The following IL9R variants were observed in gnomAD, a reference collection of about 807,000 sequenced individuals.
The protein encoded by IL9R is interleukin-9 receptor.
IL9R carries 54 observed loss-of-function variants against 56.3 expected under a neutral mutation model. That is an observed-to-expected ratio of 0.96 (90% CI 0.77 to 1.20). The LOEUF is 1.20. Among genes scored for constraint, IL9R ranks in the 50% most tolerant of loss-of-function variants. The pLI is 0.00. For synonymous variants in IL9R, 212 were observed against 250.2 expected, an observed-to-expected ratio of 0.85 and a Z score of 1.44; for missense variants, 545 against 629.8, an observed-to-expected ratio of 0.87 and a Z score of 1.44.
intron 5 of IL9R, 109 bp downstream of exon 5, chrX:156,004,674 A>G: frequency 8.9e-7 from 1 of 1,118,464 alleles, no homozygotes; most frequent in East Asian, 2.4e-5. Context: ...ATGAGAAGGG[A>G]GGAACTAGAG....
At chrX:156,006,601 G>A (rs2067978752) in intron 7 of IL9R, among the ~76,000 whole-genome samples, 1 of 149,974 alleles carries the variant, frequency 6.7e-6, no homozygotes, top group African/African-American at 2.5e-5. Context: ...GTGTGCTCAG[G>A]ACCCTGTTCT....
rs780628902 is a variant in IL9R, at chrX:156,003,795, T to C, written c.373T>C (p.Cys125Arg). ...SDNFTITFHH[C>R]MSGREQVSLV... ...CAATTTCACCATCACTTTCCACCAC[T>C]GCATGTCTGGGAGGGAGCAGGTCAG... Residue 125 changes from cysteine to arginine, a missense_variant, in exon 4 of 9, where the codon TGC becomes CGC. Physicochemically the swap from Cys to Arg is radical, Grantham distance 180. Coordinates refer to ENST00000244174, the MANE Select transcript of IL9R (RefSeq NM_002186.3). The C allele has an allele frequency of 6.2e-7, 1 of 1,613,984 alleles. No individual in the cohort carries two copies. The highest frequency in any genetic ancestry group is 8.5e-7 in the Non-Finnish European group (1 of 1,179,870).
chrX:156,005,308 G>T lies in IL9R; in HGVS notation c.610G>T (p.Val204Leu), dbSNP rs768675056. ...CCAGCACAGGGATCACATTGTCGGG[G>T]TGACCTGGCTTATACTTGAAGCCTT... ...QAQHRDHIVG[V>L]TWLILEAFEL... Residue 204 changes from valine to leucine, a missense_variant, in exon 6 of 9, where the codon GTG becomes TTG. Val to Leu is a conservative substitution (Grantham distance 32). This residue lies in a region of IL9R where 431 missense variants were observed against 360.0 expected (regional missense o/e 1.20). Coordinates refer to ENST00000244174, the MANE Select transcript of IL9R (RefSeq NM_002186.3). 5.6e-6 allele frequency: 9 copies of T among 1,612,092 alleles called. No homozygotes were observed. Among genetic ancestry groups the T allele is most frequent in the Non-Finnish European group, 5.9e-6 (7 of 1,179,852 alleles).
At chrX:155,998,580 T>C (rs1240833546) in intron 1 of IL9R, among the ~76,000 whole-genome samples, 1 of 151,328 alleles carries the variant, frequency 6.6e-6, no homozygotes, top group Non-Finnish European at 1.5e-5. Context: ...TATTATTAAT[T>C]TTTTTTTGAG....
intron 1 of IL9R, among the ~76,000 whole-genome samples, chrX:155,998,474 C>A (rs1368091959): frequency 6.6e-6 from 1 of 152,086 alleles, no homozygotes; most frequent in Non-Finnish European, 1.5e-5. Context: ...CCCCTCCCTG[C>A]CCCCATTTTC....
intron 4 of IL9R, 133 bp from the exon 5 acceptor site, chrX:156,004,287 C>G: frequency 1.2e-6 from 1 of 842,246 alleles, no homozygotes; most frequent in Non-Finnish European, 1.9e-6. Context: ...GACCAGTCTC[C>G]CAGTGAGGTG....
In IL9R at chrX:156,003,451, C is replaced by T; in HGVS notation, c.145C>T (p.Pro49Ser). Residue 49 changes from proline (P) to serine (S), a missense_variant and splice_region_variant, in exon 3 of 9, where the codon CCA (proline) becomes TCA (serine). Pro to Ser is a moderately conservative substitution (Grantham distance 74, BLOSUM62 -1). This residue lies in a region of IL9R where 431 missense variants were observed against 360.0 expected (regional missense o/e 1.20). Transcript: ENST00000244174. ...CTCCTGATGGTCACTGTCTCCAGGG[C>T]CAAGGTCTAGAACCTTCACCTGCCT... ...GVSVTGEGQG[P>S]RSRTFTCLTN... The T allele has an allele frequency of 6.2e-7, 1 of 1,609,486 alleles. No individual in the cohort carries two copies. The highest frequency in any genetic ancestry group is 8.5e-7 in the Non-Finnish European group (1 of 1,177,618).
At chrX:156,004,948 TGA>T (rs1203300521) in intron 5 of IL9R, among the ~76,000 whole-genome samples, 1 of 152,118 alleles carries the variant, frequency 6.6e-6, no homozygotes, top group African/African-American at 2.4e-5. Flanking sequence ...CCTATGTGTA[TGA>T]GTGTGTATGT....
At chrX:156,009,265 T>TG (rs2068294588) in intron 8 of IL9R, among the ~76,000 whole-genome samples, 2 of 41,308 alleles carry the variant, frequency 4.8e-5, no homozygotes, top group Non-Finnish European at 5.5e-5. Context: ...TGTGTGTGTG[T>TG]TTGTGTGTGT....
Position 156,003,297 on chromosome X carries a change from C to T in IL9R, c.143-152C>T, listed in dbSNP as rs921937160. 4.3e-6 allele frequency: 3 copies of T among 695,172 alleles called. No homozygotes were observed. In the Admixed American group the frequency reaches 6.6e-5, roughly 15 times the overall value. The allele number at this position is 695,172 out of a possible 1,614,324, so 43.1% of individuals were successfully genotyped here. On this transcript the variant is annotated intron_variant, in intron 2 of 8. Coordinates refer to ENST00000244174, the MANE Select transcript of IL9R (RefSeq NM_002186.3). ...TACCACAGGTCAGAGCCCATCACTTCCCAGGCCTCCCAGTGCTTCCCTGGA... is the reference window on the plus strand; with the variant it reads ...TACCACAGGTCAGAGCCCATCACTTTCCAGGCCTCCCAGTGCTTCCCTGGA...
At chrX:155,998,928 G>A (rs1029678272) in intron 1 of IL9R, among the ~76,000 whole-genome samples, 6 of 152,034 alleles carry the variant, frequency 3.9e-5, no homozygotes, top group Admixed American at 6.6e-5. Flanking sequence ...GGAAGAGCAC[G>A]GACATCATTT....
At position 156,003,844 on chromosome X, in the gene IL9R, C is replaced by T; in HGVS notation, c.422C>T (p.Pro141Leu). The change falls in exon 4 of 9, where the codon CCC (proline) becomes CTC (leucine). Residue 141 changes from proline (P) to leucine (L), a missense_variant. Coordinates refer to ENST00000244174, the MANE Select transcript of IL9R (RefSeq NM_002186.3). ...QVSLVDPEYL[P>L]RRHVKLDPPS... ...AGCCTGGTGGACCCGGAGTACCTGC[C>T]CCGGAGACACGGTGAGCAGCAGCTA... 1 of 1,613,864 alleles carries T rather than the reference C, an allele frequency of 6.2e-7. No individual in the cohort carries two copies. Among genetic ancestry groups the T allele is most frequent in the Non-Finnish European group, 8.5e-7 (1 of 1,179,832 alleles).
At chrX:155,997,875 C>A in intron 1 of IL9R, 88 bp downstream of exon 1, 1 of 1,251,392 alleles carries the variant, frequency 8.0e-7, no homozygotes, top group Non-Finnish European at 1.2e-6. Context: ...CAACTCGGGG[C>A]CCAGGGAGCC....
chrX:156,003,723 G>T lies in IL9R; in HGVS notation c.301G>T (p.Glu101Ter). 6.2e-7 allele frequency: 1 copy of T among 1,613,822 alleles called. No homozygotes were observed. Among genetic ancestry groups the T allele is most frequent in the Non-Finnish European group, 8.5e-7 (1 of 1,179,776 alleles). Residue 101 changes from glutamate to a stop codon, truncating the protein, a stop_gained, in exon 4 of 9, where the codon GAG becomes TAG. Coordinates refer to ENST00000244174, the MANE Select transcript of IL9R (RefSeq NM_002186.3). LOFTEE classifies it high-confidence loss of function. ...ACATAAGTGCATCTTGCGGGGCAGT[G>T]AGTGCACCGTCGTGCTGCCACCTGA... ...GTHKCILRGS[E>*]CTVVLPPEAV...
rs754264914 is a variant in IL9R, at chrX:156,005,108, G to T, written c.580-170G>T. ...AACGCAGCTGTGTCTGTGAGTGTGA[G>T]TGTGCCTTCTGTGTGTGTGTGTGCA... is the stretch of plus-strand genomic sequence containing the variant. On this transcript the variant is annotated intron_variant, in intron 5 of 8. Transcript: ENST00000244174. Among the ~76,000 whole-genome samples the T allele has an allele frequency of 2.6e-5, 4 of 152,210 alleles. No individual in the cohort carries two copies. The East Asian group carries it at 5.8e-4, about 22-fold the overall frequency.
chrX:156,006,123 T>C lies in IL9R; in HGVS notation c.822T>C (p.Leu274=). Residue 274 remains leucine, a synonymous_variant, in exon 7 of 9, where the codon CTT becomes CTC. Coordinates refer to ENST00000244174, the MANE Select transcript of IL9R (RefSeq NM_002186.3). ...CCTGGGGGTGGCCAGGCAACACCCT[T>C]GTTGCTGTGTCCATCTTTCTCCTGC... ...IPPWGWPGNT[L]VAVSIFLLLT... is the part of the protein sequence containing the mutation. The C allele has an allele frequency of 6.3e-7, 1 of 1,598,834 alleles. No homozygotes were observed. Among genetic ancestry groups the C allele is most frequent in the South Asian group, 1.1e-5 (1 of 90,670 alleles).
At chrX:156,001,136 C>G (rs984729452) in intron 1 of IL9R, among the ~76,000 whole-genome samples, 33 of 152,170 alleles carry the variant, frequency 2.2e-4, no homozygotes, top group African/African-American at 7.5e-4. Flanking sequence ...CCTTCCCTGT[C>G]TAGAAACGAG....
In IL9R at chrX:155,999,174, G is replaced by T. The variant is rs757108638; in HGVS notation, c.28+1387G>T. Among the ~76,000 whole-genome samples, 3 of 152,080 alleles carry T rather than the reference G, an allele frequency of 2.0e-5. No homozygotes were observed. The South Asian group carries it at 6.2e-4, about 32-fold the overall frequency. ...AGGGAAGATGGCAGAGGGGACAGTG[G>T]GAAGCAGAGCAGCAGGGGTCTCCTC... On this transcript the variant is annotated intron_variant, in intron 1 of 8. Transcript: ENST00000244174.
At chrX:156,011,641 C>T (rs1214576483), downstream of IL9R, among the ~76,000 whole-genome samples, 3 of 97,044 alleles carry the variant, frequency 3.1e-5, 1 homozygote, top group Non-Finnish European at 5.3e-5. Context: ...TAAGCCCCTC[C>T]CTGGGTGAGG....
Sources: allele counts gnomAD v4.1 joint callset (sites outside exome capture counted in the v4.1 genomes callset), GRCh38; gene constraint gnomAD v4.1.1; regional missense constraint gnomAD v4.1.1; transcripts MANE v1.5; gene names NCBI Gene and HGNC (gene_info 2026-07-23, HGNC 2026-07-21).